IFT122: variants seen among roughly 807,000 people sequenced by gnomAD.
The protein encoded by IFT122 is intraflagellar transport protein 122 homolog.
Under a neutral mutation model 161.6 loss-of-function variants are expected in IFT122, and 118 were observed. The ratio of observed to expected loss-of-function variants is 0.73; its 90% CI spans 0.63 to 0.85. The LOEUF is 0.85. Among genes scored for constraint, IFT122 ranks in the 40% least tolerant of loss-of-function variants. The pLI, the probability that IFT122 is intolerant of heterozygous loss-of-function variation, is 0.00. For synonymous variants in IFT122, 550 were observed against 602.4 expected (o/e 0.91, Z 1.27); for missense variants, 1,381 against 1,579.6 (o/e 0.87, Z 2.13).
intron 18 of IFT122, among the ~76,000 whole-genome samples, chr3:129,499,101 C>T (rs981480942): frequency 1.3e-5 from 2 of 152,254 alleles, no homozygotes; most frequent in Non-Finnish European, 2.9e-5. Context: ...AGGTCCTCTC[C>T]TGAGCACCTT....
Position 129,520,325 on chromosome 3 carries a change from G to A in IFT122, c.*60G>A. 1.6e-6 allele frequency: 2 copies of A among 1,280,762 alleles called. No individual in the cohort carries two copies. Among genetic ancestry groups the A allele is most frequent in the Non-Finnish European group, 2.2e-6 (2 of 901,860 alleles). The allele number at this position is 1,280,762 out of a possible 1,614,324, so 79.3% of individuals were successfully genotyped here. ...GCCTTGGGGTCTGCTGGGCTGTGAA[G>A]GAGAATAAAGAGTTAAACTGTCAGA... On this transcript the variant is annotated 3_prime_UTR_variant, in exon 30 of 30. Coordinates refer to ENST00000348417, the MANE Select transcript of IFT122 (RefSeq NM_052989.3).
intron 13 of IFT122, chr3:129,481,287 G>A (rs1267988630): frequency 6.2e-6 from 3 of 485,750 alleles, no homozygotes; most frequent in South Asian, 2.0e-5. Flanking sequence ...AAGTGAGCTC[G>A]GCCTGTCTCA....
chr3:129,456,406 A>T, intron 3 of IFT122: 1 of 524,654 alleles, frequency 1.9e-6, no homozygotes, highest in South Asian at 2.2e-5. Flanking sequence ...TGGGAAGCCA[A>T]GGCGGGTGGA....
At position 129,478,095 on chromosome 3, in the gene IFT122, C is replaced by T. The variant is rs532491363; in HGVS notation, c.1227C>T (p.Ile409=). 87 of 1,614,044 alleles carry T rather than the reference C, an allele frequency of 5.4e-5. 1 individual carries two copies. In the South Asian group the frequency reaches 6.1e-4, roughly 11 times the overall value. ...TGGCTATCCAACTGCCAGAGAAAAT[C>T]CTCATCTATGAGTTGTATTCAGAGG... is the stretch of plus-strand genomic sequence containing the variant. The part of the protein sequence containing the change: ...NRLAIQLPEK[I]LIYELYSEDL... The change falls in exon 12 of 30, where the codon ATC becomes ATT. Residue 409 remains isoleucine (I), a synonymous_variant. Transcript: ENST00000348417.
rs150619632 is a variant in IFT122, at chr3:129,489,754, G to A, written c.1992+1357G>A. ...CTCCGGAGGCTGAGGCAGGAGAATG[G>A]CGTGAACCTGGGAGGCGGAGCGTGC... is the stretch of plus-strand genomic sequence containing the variant. On this transcript the variant is annotated intron_variant, in intron 16 of 29. Transcript: ENST00000348417. 1.7e-3 allele frequency among the ~76,000 whole-genome samples: 256 copies of A among 151,936 alleles called. 4 individuals carry two copies. In the East Asian group the frequency reaches 0.039, roughly 23 times the overall value.
chr3:129,485,343 T>C (rs58408920), intron 15 of IFT122, among the ~76,000 whole-genome samples: 19,592 of 152,224 alleles, frequency 0.13, 1,597 homozygotes, highest in South Asian at 0.24. Context: ...TTCTTCTAAG[T>C]TGATGATACC....
chr3:129,517,681 G>C, intron 27 of IFT122, 87 bp downstream of exon 27: 1 of 1,531,608 alleles, frequency 6.5e-7, no homozygotes, highest in Non-Finnish European at 9.0e-7. Flanking sequence ...CAGTCCCAGG[G>C]GATCGCGGGC....
At chr3:129,472,902 A>G (rs2077515462) in intron 9 of IFT122, among the ~76,000 whole-genome samples, 2 of 151,738 alleles carry the variant, frequency 1.3e-5, no homozygotes, top group South Asian at 2.1e-4. Context: ...TTATTATTGC[A>G]TTTTTCCTTT....
intron 8 of IFT122, among the ~76,000 whole-genome samples, chr3:129,467,370 G>A (rs146717067): frequency 1.3e-3 from 191 of 152,176 alleles, no homozygotes; most frequent in Non-Finnish European, 2.3e-3. Flanking sequence ...CAGTCTTTTC[G>A]TGTGTTCATA....
intron 9 of IFT122, among the ~76,000 whole-genome samples, chr3:129,471,271 T>G (rs1448933484): frequency 6.6e-6 from 1 of 152,216 alleles, no homozygotes; most frequent in Admixed American, 6.5e-5. Flanking sequence ...GGTCATTTCT[T>G]TTGTATTCGA....
intron 9 of IFT122, among the ~76,000 whole-genome samples, chr3:129,472,248 G>A (rs942691121): frequency 6.6e-6 from 1 of 152,014 alleles, no homozygotes; most frequent in Non-Finnish European, 1.5e-5. Context: ...GATCCCCCTG[G>A]GCTCAAGGAA....
At chr3:129,495,092 G>A (rs1448979904) in intron 17 of IFT122, among the ~76,000 whole-genome samples, 1 of 152,164 alleles carries the variant, frequency 6.6e-6, no homozygotes, top group Admixed American at 6.5e-5. Flanking sequence ...AACGGGGCCT[G>A]CGGATTTGGG....
chr3:129,517,619 T>G, intron 27 of IFT122, 25 bp downstream of exon 27: 1 of 1,608,956 alleles, frequency 6.2e-7, no homozygotes, highest in African/African-American at 1.3e-5. Flanking sequence ...GGCCAGAGCC[T>G]GTGTGTGCGG....
At chr3:129,516,839 CT>C (rs2083856640) in intron 26 of IFT122, among the ~76,000 whole-genome samples, 1 of 131,704 alleles carries the variant, frequency 7.6e-6, no homozygotes, top group Non-Finnish European at 1.6e-5. Flanking sequence ...GAGACTGCCC[CT>C]GCACACACAC....
chr3:129,466,846 A>G, intron 7 of IFT122, 44 bp from the exon 8 acceptor site: 1 of 1,567,496 alleles, frequency 6.4e-7, no homozygotes, highest in African/African-American at 1.4e-5. Flanking sequence ...GTTTTAGTGT[A>G]GTTCTAGGCA....
chr3:129,504,294 A>G lies in IFT122; in HGVS notation c.2548-25A>G, dbSNP rs759026747. 1.9e-6 allele frequency: 3 copies of G among 1,584,926 alleles called. No individual in the cohort carries two copies. The African/African-American group carries it at 4.0e-5, about 21-fold the overall frequency. ...GGGGGCTGCAGGGGCAGCTTTATTAAGACTTCATTTGCTCCTTCCCCCAGG... is the reference window on the plus strand; with the variant it reads ...GGGGGCTGCAGGGGCAGCTTTATTAGGACTTCATTTGCTCCTTCCCCCAGG... On this transcript the variant is annotated intron_variant, in intron 20 of 29. Coordinates refer to ENST00000348417, the MANE Select transcript of IFT122 (RefSeq NM_052989.3).
chr3:129,504,453 G>A, intron 21 of IFT122, 32 bp downstream of exon 21: 1 of 1,565,452 alleles, frequency 6.4e-7, no homozygotes, highest in South Asian at 1.1e-5. Flanking sequence ...CTTCTAGAAG[G>A]AGCAGGAGAA....
At chr3:129,452,537 G>C (rs1376725074) in intron 3 of IFT122, among the ~76,000 whole-genome samples, 1 of 152,086 alleles carries the variant, frequency 6.6e-6, no homozygotes, top group Non-Finnish European at 1.5e-5. Context: ...AGTGGGCATC[G>C]GGGGGAAGAG....
chr3:129,447,962 G>T (rs529030382), intron 1 of IFT122, among the ~76,000 whole-genome samples: 1 of 150,688 alleles, frequency 6.6e-6, no homozygotes, highest in East Asian at 2.4e-4. Context: ...CCATTCAGAC[G>T]GTTGGGGGGG....
Sources: allele counts gnomAD v4.1 joint callset (sites outside exome capture counted in the v4.1 genomes callset), GRCh38; gene constraint gnomAD v4.1.1; transcripts MANE v1.5; gene names NCBI Gene and HGNC (gene_info 2026-07-23, HGNC 2026-07-21).